CTNNA2: variants seen among roughly 807,000 people sequenced by gnomAD.
The protein encoded by CTNNA2 is catenin alpha-2.
Under a neutral mutation model 101.0 loss-of-function variants are expected in CTNNA2, and 42 were observed. The observed-to-expected ratio is 0.42, with a 90% confidence interval of 0.32 to 0.54. The LOEUF is 0.54. CTNNA2 is among the 20% of genes least tolerant of loss of function. The pLI is 0.14. For synonymous variants in CTNNA2, 450 were observed against 456.4 expected (o/e 0.99, Z 0.18); for missense variants, 871 against 1,223.1 (o/e 0.71, Z 4.29).
chr2:79,299,148 A>G (rs1676048924), intron 2 of CTNNA2, among the ~76,000 whole-genome samples: 1 of 152,114 alleles, frequency 6.6e-6, no homozygotes, highest in African/African-American at 2.4e-5. Flanking sequence ...GCAAGTCAGG[A>G]GTGGAGTAGG....
chr2:79,707,802 C>G (rs1001685460), intron 2 of CTNNA2, among the ~76,000 whole-genome samples: 1 of 152,178 alleles, frequency 6.6e-6, no homozygotes, highest in African/African-American at 2.4e-5. Context: ...TATCTTGCAG[C>G]CAACTCTTCC....
At chr2:79,675,612 T>C (rs2104609002) in intron 2 of CTNNA2, among the ~76,000 whole-genome samples, 1 of 152,318 alleles carries the variant, frequency 6.6e-6, no homozygotes, top group Admixed American at 6.5e-5. Context: ...TTGGTATTTC[T>C]TTATCAAAAT....
At chr2:79,875,392 A>G (rs1049315495) in intron 6 of CTNNA2, among the ~76,000 whole-genome samples, 3 of 152,222 alleles carry the variant, frequency 2.0e-5, no homozygotes, top group African/African-American at 7.2e-5. Context: ...AGATGAGGGA[A>G]GTAGAATGCA....
At chr2:80,235,994 T>C (rs1709532628) in intron 7 of CTNNA2, among the ~76,000 whole-genome samples, 1 of 152,162 alleles carries the variant, frequency 6.6e-6, no homozygotes, top group Non-Finnish European at 1.5e-5. Flanking sequence ...CCAATGTCTG[T>C]TGTTTCCTTC....
intron 7 of CTNNA2, among the ~76,000 whole-genome samples, chr2:79,985,646 A>T (rs1691704858): frequency 6.6e-6 from 1 of 152,220 alleles, no homozygotes; most frequent in African/African-American, 2.4e-5. Flanking sequence ...AATGTTGCTC[A>T]TTAAGCAAAC....
chr2:80,436,163 C>CT (rs1177530458), intron 9 of CTNNA2, among the ~76,000 whole-genome samples: 57 of 152,154 alleles, frequency 3.7e-4, no homozygotes, highest in Non-Finnish European at 6.9e-4. Flanking sequence ...CGCTCCCAAC[C>CT]TCTGAAGGCA....
At chr2:80,162,940 G>A in intron 7 of CTNNA2, 1 of 1,539,960 alleles carries the variant, frequency 6.5e-7, no homozygotes, top group Non-Finnish European at 9.0e-7. Context: ...TTTCCAACAT[G>A]ATATTGGGGA....
At chr2:80,299,845 C>T (rs1676083004) in intron 7 of CTNNA2, among the ~76,000 whole-genome samples, 1 of 152,130 alleles carries the variant, frequency 6.6e-6, no homozygotes, top group Non-Finnish European at 1.5e-5. Flanking sequence ...GTAAGCACAC[C>T]CACACAGCTC....
chr2:79,899,398 G>A (rs1188323282), intron 6 of CTNNA2, among the ~76,000 whole-genome samples: 1 of 152,182 alleles, frequency 6.6e-6, no homozygotes, highest in East Asian at 1.9e-4. Flanking sequence ...AACACACAGA[G>A]ATGATGGGAT....
intron 1 of CTNNA2, among the ~76,000 whole-genome samples, chr2:79,650,563 C>A (rs1178436512): frequency 2.0e-5 from 3 of 150,958 alleles, no homozygotes; most frequent in Non-Finnish European, 4.4e-5. Context: ...TTGTTGTTCT[C>A]TCCAGACTGA....
rs567676929 is a variant in CTNNA2 at position 80,317,065 on chromosome 2, T to A, written c.1057-76146T>A. Among the ~76,000 whole-genome samples, 4 of 152,088 alleles carry A rather than the reference T, an allele frequency of 2.6e-5. No individual in the cohort carries two copies. In the South Asian group the frequency reaches 8.3e-4, roughly 32 times the overall value. ...CATTTAAAGTGCCATGAGATATGCA[T>A]ACCAAGCAGAGAGAACAGAAGGTGC... On this transcript the variant is annotated intron_variant, in intron 7 of 18. Transcript: ENST00000402739.
intron 2 of CTNNA2, among the ~76,000 whole-genome samples, chr2:79,277,991 C>T (rs115963714): frequency 2.0e-5 from 3 of 152,180 alleles, no homozygotes; most frequent in Admixed American, 1.3e-4. Flanking sequence ...TTTAAACCTC[C>T]GTATGTAAGG....
At position 80,393,901 on chromosome 2, in the gene CTNNA2, C is replaced by T. The variant is rs758762255; in HGVS notation, c.1137+610C>T. On this transcript the variant is annotated intron_variant, in intron 8 of 18. Coordinates refer to ENST00000402739, the MANE Select transcript of CTNNA2 (RefSeq NM_001282597.3). The stretch of plus-strand genomic sequence containing the variant: ...TTTCTCCTTGAAAGTGTTGTATGAA[C>T]GCTGGTAAATGTTGCCTTAGAACCC... Among the ~76,000 whole-genome samples the T allele has an allele frequency of 3.3e-5, 5 of 152,142 alleles. No individual in the cohort carries two copies. In the East Asian group the frequency reaches 5.8e-4, roughly 18 times the overall value.
chr2:79,349,275 C>A (rs1273429577), intron 3 of CTNNA2, among the ~76,000 whole-genome samples: 1 of 152,158 alleles, frequency 6.6e-6, no homozygotes, highest in East Asian at 1.9e-4. Flanking sequence ...ATTCTTGCAA[C>A]AAATAGTTAT....
intron 1 of CTNNA2, among the ~76,000 whole-genome samples, chr2:79,552,260 C>G (rs993046854): frequency 6.6e-6 from 1 of 152,160 alleles, no homozygotes; most frequent in Non-Finnish European, 1.5e-5. Context: ...TCCAGCAGGA[C>G]AATCATTAAA....
intron 7 of CTNNA2, among the ~76,000 whole-genome samples, chr2:79,930,294 G>GAAAGAAAGAA (rs1382657195): frequency 4.1e-5 from 5 of 122,048 alleles, no homozygotes; most frequent in South Asian, 2.9e-4. Flanking sequence ...GAGAGAGAAA[G>GAAAGAAAGAA]AGAAAGAAAG....
In CTNNA2 at chr2:79,909,762, G is replaced by A; in HGVS notation, c.1021G>A (p.Ala341Thr). ...GGCGGAGTGCAACGCCGTGCGGCAGGCGCTCCAGGACCTGCTCAGCGAGTA... is the reference window on the plus strand; with the variant it reads ...GGCGGAGTGCAACGCCGTGCGGCAGACGCTCCAGGACCTGCTCAGCGAGTA... ...IVAECNAVRQ[A>T]LQDLLSEYMN... The change falls in exon 7 of 19, where the codon GCG (alanine) becomes ACG (threonine). Residue 341 changes from alanine to threonine, a missense_variant. Physicochemically the swap from Ala to Thr is moderately conservative, Grantham distance 58. Around this residue, in one of 5 missense-constraint regions of CTNNA2, gnomAD observed 647 missense variants for 831.5 expected, o/e 0.78. Coordinates refer to ENST00000402739, the MANE Select transcript of CTNNA2 (RefSeq NM_001282597.3). The A allele has an allele frequency of 1.2e-6, 2 of 1,612,782 alleles. No homozygotes were observed. Among genetic ancestry groups the A allele is most frequent in the South Asian group, 1.1e-5 (1 of 90,740 alleles).
chr2:79,957,538 T>G (rs1689321710), intron 7 of CTNNA2, among the ~76,000 whole-genome samples: 1 of 152,206 alleles, frequency 6.6e-6, no homozygotes, highest in Admixed American at 6.5e-5. Context: ...CTGGCTCCTG[T>G]AAAGTTAGTT....
intron 7 of CTNNA2, among the ~76,000 whole-genome samples, chr2:80,043,190 CTTTCTT>C (rs1186224103): frequency 8.5e-6 from 1 of 117,678 alleles, no homozygotes; most frequent in Admixed American, 1.1e-4. Context: ...TCCTTTCTTT[CTTTCTT>C]TCTCTCTCTC....
Sources: allele counts gnomAD v4.1 joint callset (sites outside exome capture counted in the v4.1 genomes callset), GRCh38; gene constraint gnomAD v4.1.1; regional missense constraint gnomAD v4.1.1; transcripts MANE v1.5; gene names NCBI Gene and HGNC (gene_info 2026-07-23, HGNC 2026-07-21).